Variants in CACNG2 observed in about 807,000 individuals in gnomAD.
The protein encoded by CACNG2 is calcium voltage-gated channel auxiliary subunit gamma 2.
CACNG2 carries 3 observed loss-of-function variants against 25.9 expected under a neutral mutation model. That is an observed-to-expected ratio of 0.12 (90% CI 0.05 to 0.30). The LOEUF is 0.30. Ranked by LOEUF, CACNG2 falls within the 10% of genes least tolerant of loss-of-function variation. CACNG2 has a pLI of 1.00. For synonymous variants in CACNG2, 167 were observed against 173.3 expected, an observed-to-expected ratio of 0.96 and a Z score of 0.29; for missense variants, 341 against 432.5, an observed-to-expected ratio of 0.79 and a Z score of 1.88.
intron 1 of CACNG2, among the ~76,000 whole-genome samples, chr22:36,626,387 T>C (rs1363699682): frequency 1.3e-5 from 2 of 152,204 alleles, no homozygotes; most frequent in Admixed American, 1.3e-4. Context: ...TCTTGACTAC[T>C]TCTTTTTTTT....
chr22:36,690,998 G>A (rs373899019), intron 1 of CACNG2, among the ~76,000 whole-genome samples: 137 of 98,332 alleles, frequency 1.4e-3, no homozygotes, highest in Middle Eastern at 6.8e-3. Flanking sequence ...TTGTTCTCCC[G>A]CAATAGTATA....
At chr22:36,615,197 C>T (rs932396478) in intron 1 of CACNG2, among the ~76,000 whole-genome samples, 1 of 152,336 alleles carries the variant, frequency 6.6e-6, no homozygotes, top group African/African-American at 2.4e-5. Context: ...TATAAGGCTG[C>T]ATCTGATTTG....
chr22:36,634,984 T>A (rs1319661051), intron 1 of CACNG2, among the ~76,000 whole-genome samples: 2 of 152,114 alleles, frequency 1.3e-5, no homozygotes. Flanking sequence ...CAGGCCATGA[T>A]GAAAAATGGT....
intron 1 of CACNG2, among the ~76,000 whole-genome samples, chr22:36,599,152 C>T (rs940013619): frequency 3.9e-5 from 6 of 152,112 alleles, no homozygotes; most frequent in East Asian, 3.8e-4. Flanking sequence ...TTTCTATTAT[C>T]GGAGAAATGA....
intron 1 of CACNG2, among the ~76,000 whole-genome samples, chr22:36,610,194 G>A (rs2145940384): frequency 6.6e-6 from 1 of 151,954 alleles, no homozygotes; most frequent in African/African-American, 2.4e-5. Flanking sequence ...GAGAGTGACT[G>A]GGAGGAATCA....
chr22:36,606,398 A>G lies in CACNG2; in HGVS notation c.212-18850T>C, dbSNP rs1003570137. On this transcript the variant is annotated intron_variant, in intron 1 of 3. Coordinates refer to ENST00000300105, the MANE Select transcript of CACNG2 (RefSeq NM_006078.5). This position sits in a 1 kb window ranked among gnomAD's most constrained non-coding sequence, Gnocchi z 5.7. ...ACATTAGAGATATGGAAGTGGAGGG[A>G]CAGAGGGGTGAAGGAACGCCTCTAA... Among the ~76,000 whole-genome samples the G allele has an allele frequency of 1.3e-5, 2 of 152,168 alleles. No individual in the cohort carries two copies. Among genetic ancestry groups the G allele is most frequent in the Non-Finnish European group, 2.9e-5 (2 of 68,032 alleles).
rs201155240 is a variant in CACNG2, at chr22:36,669,713, GTC to G, written c.211+32651_211+32652del. 7.2e-3 allele frequency among the ~76,000 whole-genome samples: 1,094 copies of G among 151,724 alleles called. 16 individuals are homozygous for G. Among genetic ancestry groups the G allele is most frequent in the African/African-American group, 0.025 (1,040 of 41,366 alleles). On this transcript the variant is annotated intron_variant, in intron 1 of 3. Coordinates refer to ENST00000300105, the MANE Select transcript of CACNG2 (RefSeq NM_006078.5). The stretch of plus-strand genomic sequence containing the variant: ...TTCATTAAAATTTCATTCTCTCTCT[GTC>G]TCTCTCTTTCTTTTTGAGACAGGGT...
chr22:36,655,903 G>T (rs1432038080), intron 1 of CACNG2, among the ~76,000 whole-genome samples: 1 of 151,512 alleles, frequency 6.6e-6, no homozygotes, highest in Admixed American at 6.6e-5. Context: ...CACCACCCGG[G>T]TTCAAGCAAT....
rs116238776 is a variant in CACNG2, at chr22:36,666,130, T to G, written c.211+36236A>C. Among the ~76,000 whole-genome samples, 115 of 152,292 alleles carry G rather than the reference T, an allele frequency of 7.6e-4. 1 individual carries two copies. Among genetic ancestry groups the G allele is most frequent in the African/African-American group, 2.5e-3 (102 of 41,564 alleles). On this transcript the variant is annotated intron_variant, in intron 1 of 3. Transcript: ENST00000300105. The stretch of plus-strand genomic sequence containing the variant: ...AGACAAAAAGATAAATACTGTCAGG[T>G]GCAGTGGCTCAAACCTGTAACACTA...
chr22:36,662,524 C>A (rs1936813938), intron 1 of CACNG2, among the ~76,000 whole-genome samples: 1 of 152,220 alleles, frequency 6.6e-6, no homozygotes, highest in South Asian at 2.1e-4. Context: ...CAGGCCTCTG[C>A]CTTTGCATTC....
At chr22:36,570,094 C>T (rs1569015720) in intron 2 of CACNG2, among the ~76,000 whole-genome samples, 1 of 152,238 alleles carries the variant, frequency 6.6e-6, no homozygotes, top group East Asian at 1.9e-4. Flanking sequence ...GGACTCACAG[C>T]AGCCCAGGGC....
chr22:36,633,318 G>A (rs1936304496), intron 1 of CACNG2, among the ~76,000 whole-genome samples: 1 of 152,180 alleles, frequency 6.6e-6, no homozygotes, highest in Non-Finnish European at 1.5e-5. Flanking sequence ...TTGAATGAAT[G>A]CATTCACGGA....
At position 36,657,786 on chromosome 22, in the gene CACNG2, A is replaced by G. The variant is rs548600757; in HGVS notation, c.211+44580T>C. On this transcript the variant is annotated intron_variant, in intron 1 of 3. Coordinates refer to ENST00000300105, the MANE Select transcript of CACNG2 (RefSeq NM_006078.5). ...CTGTGTGTTTCCTTTGCTATGGCTC[A>G]GGGAGTGGAGGCTTGTAGTTCCAGA... 1.0e-3 allele frequency among the ~76,000 whole-genome samples: 155 copies of G among 152,152 alleles called. 3 individuals carry two copies. The South Asian group carries it at 0.011, about 11-fold the overall frequency.
intron 2 of CACNG2, among the ~76,000 whole-genome samples, chr22:36,570,067 G>T (rs191427012): frequency 6.6e-6 from 1 of 152,342 alleles, no homozygotes; most frequent in Admixed American, 6.5e-5. Context: ...CGACCCAATT[G>T]TGCCCTCACA....
At chr22:36,592,442 G>A (rs1047387104) in intron 1 of CACNG2, among the ~76,000 whole-genome samples, 7 of 152,110 alleles carry the variant, frequency 4.6e-5, no homozygotes, top group African/African-American at 1.7e-4. Context: ...CGAATGAGGT[G>A]GCTTGGGGCA....
chr22:36,665,107 A>T (rs781100307), intron 1 of CACNG2, among the ~76,000 whole-genome samples: 6 of 152,172 alleles, frequency 3.9e-5, no homozygotes, highest in Admixed American at 6.5e-5. Flanking sequence ...AGACTTGGGC[A>T]GCCTGTAGGA....
At chr22:36,655,982 ATTT>A (rs1213850537) in intron 1 of CACNG2, among the ~76,000 whole-genome samples, 1 of 151,518 alleles carries the variant, frequency 6.6e-6, no homozygotes, top group African/African-American at 2.4e-5. Flanking sequence ...TAATTTTTGT[ATTT>A]TTAGTAGAGA....
chr22:36,600,518 A>G (rs1833465594), intron 1 of CACNG2, among the ~76,000 whole-genome samples: 1 of 151,636 alleles, frequency 6.6e-6, no homozygotes, highest in Non-Finnish European at 1.5e-5. Context: ...TACAAGTTAA[A>G]ATAGTCTTTA....
chr22:36,566,307 A>G (rs1603500222), intron 3 of CACNG2, 46 bp downstream of exon 3: 2 of 1,606,652 alleles, frequency 1.2e-6, no homozygotes, highest in Middle Eastern at 3.3e-4. Context: ...GAGCACCCAC[A>G]CCCCAGCCTT....
Sources: gnomAD v4.1 joint callset for allele counts (sites outside exome capture counted in the v4.1 genomes callset) on GRCh38, gnomAD v4.1.1 for gene constraint, Gnocchi (gnomAD v3.1) non-coding constraint, MANE v1.5 for transcripts, NCBI Gene and HGNC (gene_info 2026-07-23, HGNC 2026-07-21) for gene names.